Variants in ABCC1 observed in about 807,000 individuals in gnomAD.
ABCC1 encodes multidrug resistance-associated protein 1.
Under a neutral mutation model 172.9 loss-of-function variants are expected in ABCC1, and 83 were observed. The observed-to-expected ratio is 0.48, with a 90% CI of 0.40 to 0.58. The LOEUF is 0.58. Ranked by LOEUF, ABCC1 falls within the 20% of genes least tolerant of loss-of-function variation. ABCC1 has a pLI of 0.00. For synonymous variants in ABCC1, 937 were observed against 825.2 expected (o/e 1.14, Z -2.32); for missense variants, 1,817 against 2,002.7 (o/e 0.91, Z 1.77).
intron 26 of ABCC1, among the ~76,000 whole-genome samples, chr16:16,129,523 G>C (rs1026848460): frequency 6.6e-6 from 1 of 150,742 alleles, no homozygotes; most frequent in African/African-American, 2.4e-5. Flanking sequence ...TGGCGGTGGT[G>C]GTGGGGTTTT....
In ABCC1 at chr16:16,063,688, A is replaced by G. The variant is rs545868710; in HGVS notation, c.1678-4468A>G. ...GCATGGCTGGATCTAGGAGTTCCCA[A>G]GATAATGTTGGGAATAACAACGTCT... is the stretch of plus-strand genomic sequence containing the variant. On this transcript the variant is annotated intron_variant, in intron 12 of 30. Coordinates refer to ENST00000399410, the MANE Select transcript of ABCC1 (RefSeq NM_004996.4). Among the ~76,000 whole-genome samples, 25 of 152,244 alleles carry G rather than the reference A, an allele frequency of 1.6e-4. No homozygotes were observed. The East Asian group carries it at 2.9e-3, about 18-fold the overall frequency.
intron 12 of ABCC1, among the ~76,000 whole-genome samples, chr16:16,061,324 C>A (rs1413493189): frequency 6.6e-6 from 1 of 152,236 alleles, no homozygotes; most frequent in East Asian, 1.9e-4. Flanking sequence ...TCGCACGTGG[C>A]CACCTCAGCC....
intron 30 of ABCC1, among the ~76,000 whole-genome samples, chr16:16,140,812 A>T (rs1158426264): frequency 6.6e-6 from 1 of 152,218 alleles, no homozygotes; most frequent in Non-Finnish European, 1.5e-5. Context: ...CAGAGCCTCA[A>T]GTATTTACTA....
intron 1 of ABCC1, among the ~76,000 whole-genome samples, chr16:15,972,924 G>T (rs2046402101): frequency 1.3e-5 from 2 of 148,828 alleles, no homozygotes; most frequent in Non-Finnish European, 3.0e-5. Context: ...TTAGCCTCCA[G>T]AGTAGCTGGG....
chr16:16,124,525 G>T (rs1319054509), intron 24 of ABCC1, among the ~76,000 whole-genome samples: 1 of 152,166 alleles, frequency 6.6e-6, no homozygotes, highest in Non-Finnish European at 1.5e-5. Context: ...TCAGATTCCA[G>T]GGAAGATTGC....
intron 19 of ABCC1, among the ~76,000 whole-genome samples, chr16:16,101,777 A>G (rs7404127): frequency 0.98 from 149,386 of 152,296 alleles, 73,344 homozygotes; most frequent in Middle Eastern, 1. Context: ...CACGGTGCCC[A>G]AGTGCACTTG....
chr16:16,132,518 T>TTTTTTG (rs2045739739), intron 27 of ABCC1, among the ~76,000 whole-genome samples: 1 of 82,694 alleles, frequency 1.2e-5, no homozygotes, highest in African/African-American at 4.9e-5. Flanking sequence ...TTGTTTTTTT[T>TTTTTTG]TTTTTTTTTT....
At chr16:16,089,999 A>G (rs2051176264) in intron 18 of ABCC1, among the ~76,000 whole-genome samples, 1 of 152,202 alleles carries the variant, frequency 6.6e-6, no homozygotes, top group Non-Finnish European at 1.5e-5. Context: ...TTTGTTAAAA[A>G]ATAACCTTCC....
chr16:16,016,705 C>CTGGATGG, intron 5 of ABCC1, 84 bp downstream of exon 5: 1 of 1,557,256 alleles, frequency 6.4e-7, no homozygotes, highest in Non-Finnish European at 8.7e-7. Context: ...TTCTTAGATC[C>CTGGATGG]ATCCAGGATC....
At chr16:16,023,625 G>GGAGA (rs1328016521) in intron 5 of ABCC1, among the ~76,000 whole-genome samples, 2 of 152,194 alleles carry the variant, frequency 1.3e-5, no homozygotes, top group African/African-American at 4.8e-5. Context: ...CTGCCCTGGA[G>GGAGA]GAGAGATGGA....
chr16:16,101,417 C>G (rs115049916), intron 19 of ABCC1, among the ~76,000 whole-genome samples: 1 of 152,198 alleles, frequency 6.6e-6, no homozygotes, highest in Non-Finnish European at 1.5e-5. Context: ...TCCCTCTGTC[C>G]AGGAATGATC....
At chr16:16,009,151 G>T (rs552787551) in intron 2 of ABCC1, among the ~76,000 whole-genome samples, 58 of 152,042 alleles carry the variant, frequency 3.8e-4, no homozygotes, top group African/African-American at 1.1e-3. Flanking sequence ...TAGAGACAGG[G>T]TCTCGCCTTG....
intron 19 of ABCC1, among the ~76,000 whole-genome samples, chr16:16,091,810 C>T (rs989868899): frequency 3.9e-5 from 6 of 152,170 alleles, no homozygotes; most frequent in African/African-American, 1.4e-4. Flanking sequence ...GTGACCAGCC[C>T]CAGGATACAC....
chr16:16,085,628 A>G (rs45588334), intron 17 of ABCC1, among the ~76,000 whole-genome samples: 1 of 152,262 alleles, frequency 6.6e-6, no homozygotes, highest in Non-Finnish European at 1.5e-5. Flanking sequence ...AAAAATACAA[A>G]AAGTTGCCAG....
At position 15,962,434 on chromosome 16, in the gene ABCC1, A is replaced by G. The variant is rs888003781; in HGVS notation, c.48+12635A>G. Among the ~76,000 whole-genome samples, 3 of 152,220 alleles carry G rather than the reference A, an allele frequency of 2.0e-5. No homozygotes were observed. The East Asian group carries it at 5.8e-4, about 29-fold the overall frequency. On this transcript the variant is annotated intron_variant, in intron 1 of 30. Transcript: ENST00000399410. ...ACATGTGTTCCATATGACAGAACAA[A>G]CAATACAAAGATATTTAAATAAAGC...
intron 12 of ABCC1, 152 bp from the exon 13 acceptor site, chr16:16,068,004 A>G (rs1227521620): frequency 5.2e-6 from 4 of 767,594 alleles, no homozygotes; most frequent in Admixed American, 4.9e-5. Flanking sequence ...CATGTGCCAG[A>G]TACTGCCCCA....
At chr16:15,952,046 C>T (rs1475740061) in intron 1 of ABCC1, among the ~76,000 whole-genome samples, 1 of 152,180 alleles carries the variant, frequency 6.6e-6, no homozygotes, top group East Asian at 1.9e-4. Context: ...GCCTCCCAGG[C>T]AGTCAGATAA....
intron 10 of ABCC1, among the ~76,000 whole-genome samples, chr16:16,050,557 T>G (rs546956397): frequency 1.3e-5 from 2 of 151,988 alleles, no homozygotes; most frequent in African/African-American, 4.8e-5. Context: ...GTAAAGTGTT[T>G]CTAATAATAA....
chr16:15,966,409 T>TAAAAAAA (rs34914361), intron 1 of ABCC1, among the ~76,000 whole-genome samples: 3 of 138,900 alleles, frequency 2.2e-5, no homozygotes, highest in Non-Finnish European at 4.6e-5. Context: ...GACTTTATCT[T>TAAAAAAA]AAAAAAAAAA....
Sources: gnomAD v4.1 joint callset for allele counts (sites outside exome capture counted in the v4.1 genomes callset) on GRCh38, gnomAD v4.1.1 for gene constraint, MANE v1.5 for transcripts, NCBI Gene and HGNC (gene_info 2026-07-23, HGNC 2026-07-21) for gene names.